ADAM19: variants seen among roughly 807,000 people sequenced by gnomAD.
ADAM19 encodes the protein disintegrin and metalloproteinase domain-containing protein 19.
ADAM19 carries 65 observed loss-of-function variants against 114.7 expected under a neutral mutation model. The observed-to-expected ratio is 0.57, with a 90% CI of 0.46 to 0.70. The LOEUF (loss-of-function observed/expected upper bound fraction) is 0.70, where lower values mean the gene tolerates loss of function less well. ADAM19 is among the 30% of genes least tolerant of loss of function. The probability of loss-of-function intolerance (pLI) is 0.00; values close to 1 mark genes in which losing one functional copy is unlikely to be tolerated. For synonymous variants in ADAM19, 466 were observed against 460.5 expected (o/e 1.01, Z -0.15); for missense variants, 1,063 against 1,204.7 (o/e 0.88, Z 1.74).
chr5:157,492,550 T>G (rs1755211975), intron 16 of ADAM19, among the ~76,000 whole-genome samples: 1 of 152,240 alleles, frequency 6.6e-6, no homozygotes, highest in Non-Finnish European at 1.5e-5. Context: ...TGTATCAATT[T>G]TAACATTATA....
intron 15 of ADAM19, among the ~76,000 whole-genome samples, chr5:157,494,462 G>A (rs752682408): frequency 5.3e-5 from 8 of 152,154 alleles, no homozygotes; most frequent in Non-Finnish European, 1.2e-4. Flanking sequence ...AAGGAAGCCC[G>A]ATCAGCTTTC....
intron 16 of ADAM19, 77 bp downstream of exon 16, chr5:157,492,896 C>A (rs1172344832): frequency 9.3e-6 from 14 of 1,508,442 alleles, no homozygotes; most frequent in Admixed American, 1.7e-5. Flanking sequence ...TGAGCCCAGG[C>A]ATCCTTCCCT....
At chr5:157,487,855 T>C (rs1219496829) in intron 21 of ADAM19, among the ~76,000 whole-genome samples, 1 of 152,184 alleles carries the variant, frequency 6.6e-6, no homozygotes, top group East Asian at 1.9e-4. Flanking sequence ...CAGGATAGAC[T>C]TCCTGGGAGA....
chr5:157,513,389 G>A, intron 8 of ADAM19, 45 bp downstream of exon 8: 1 of 1,586,622 alleles, frequency 6.3e-7, no homozygotes, highest in Non-Finnish European at 8.6e-7. Flanking sequence ...CCTTGGAAGT[G>A]CTGGCACCTG....
rs527549612 is a variant in ADAM19 at position 157,524,923 on chromosome 5, C to T, written c.408-4892G>A. 3.9e-5 allele frequency among the ~76,000 whole-genome samples: 6 copies of T among 152,326 alleles called. No individual in the cohort carries two copies. The South Asian group carries it at 1.0e-3, about 26-fold the overall frequency. On this transcript the variant is annotated intron_variant, in intron 5 of 22. Transcript: ENST00000257527. ...CAAGCAAAGCGCAAAGTGTTTTATT[C>T]GATAGCCATTCTACACATCTGTACT... is the stretch of plus-strand genomic sequence containing the variant.
At chr5:157,535,393 A>G (rs17054692) in intron 4 of ADAM19, among the ~76,000 whole-genome samples, 12,184 of 152,312 alleles carry the variant, frequency 0.08, 601 homozygotes, top group South Asian at 0.19. Context: ...AGTAGAGTGC[A>G]GTCTCCAACA....
rs149957129 is a variant in ADAM19, at chr5:157,502,078, T to TC, written c.1308+724dup. Among the ~76,000 whole-genome samples, 82 of 151,932 alleles carry TC rather than the reference T, an allele frequency of 5.4e-4. No homozygotes were observed. In the East Asian group the frequency reaches 0.015, roughly 27 times the overall value. Reference sequence around the variant, plus strand: ...AAGGCCATAAAATCAGATTTTTTTTTCCATTTATACAGAACCTCAGTCTCA... The same window carrying TC: ...AAGGCCATAAAATCAGATTTTTTTTTCCCATTTATACAGAACCTCAGTCTCA... On this transcript the variant is annotated intron_variant, in intron 12 of 22. Coordinates refer to ENST00000257527, the MANE Select transcript of ADAM19 (RefSeq NM_033274.5).
intron 15 of ADAM19, 25 bp downstream of exon 15, chr5:157,494,662 A>G (rs367949535): frequency 6.9e-6 from 11 of 1,601,840 alleles, no homozygotes; most frequent in Non-Finnish European, 9.4e-6. Context: ...TCCTCATTTC[A>G]TGAGGCCTGC....
chr5:157,498,568 T>G (rs1755439393), intron 13 of ADAM19, among the ~76,000 whole-genome samples: 1 of 152,162 alleles, frequency 6.6e-6, no homozygotes, highest in African/African-American at 2.4e-5. Flanking sequence ...AGGCCCACAG[T>G]TCCTGCCTAA....
chr5:157,573,921 C>A (rs950259673), intron 1 of ADAM19, among the ~76,000 whole-genome samples: 1 of 152,182 alleles, frequency 6.6e-6, no homozygotes, highest in Middle Eastern at 3.2e-3. Context: ...CCTGAATCAG[C>A]TTTACTCTCC....
At position 157,500,556 on chromosome 5, in the gene ADAM19, C is replaced by T. The variant is rs187555998; in HGVS notation, c.1309-894G>A. Among the ~76,000 whole-genome samples, 176 of 152,232 alleles carry T rather than the reference C, an allele frequency of 1.2e-3. 1 individual carries two copies. Among genetic ancestry groups the T allele is most frequent in the African/African-American group, 4.1e-3 (172 of 41,534 alleles). The stretch of plus-strand genomic sequence containing the variant: ...CCTGTCTTTCATGGGTGCCCTCCTG[C>T]CCCCAACCCTCCTAGGCTTTCTTAT... On this transcript the variant is annotated intron_variant, in intron 12 of 22. Transcript: ENST00000257527.
chr5:157,555,494 T>C (rs898684012), intron 3 of ADAM19, among the ~76,000 whole-genome samples: 1 of 152,204 alleles, frequency 6.6e-6, no homozygotes, highest in Non-Finnish European at 1.5e-5. Flanking sequence ...GTCATTTTCA[T>C]GCTTGAAGAA....
At position 157,535,324 on chromosome 5, in the gene ADAM19, C is replaced by T. The variant is rs545950981; in HGVS notation, c.330+2589G>A. ...TAGATGCAGGCTGTCGCCTAAAGGCCTGACTGATGAGTCTTGATAAGGTTC... is the reference window on the plus strand; with the variant it reads ...TAGATGCAGGCTGTCGCCTAAAGGCTTGACTGATGAGTCTTGATAAGGTTC... On this transcript the variant is annotated intron_variant, in intron 4 of 22. Transcript: ENST00000257527. Among the ~76,000 whole-genome samples, 25 of 152,370 alleles carry T rather than the reference C, an allele frequency of 1.6e-4. 1 individual carries two copies. The highest frequency in any genetic ancestry group is 3.1e-4 in the Non-Finnish European group (21 of 68,038).
At position 157,499,676 on chromosome 5, in the gene ADAM19, GGGGT is replaced by G. The variant is rs1755491440; in HGVS notation, c.1309-18_1309-15del. ...GTTGTTACATTCCTGGGGAGGCAGT[GGGGT>G]GGGTGTGAGTGGGGGAGGGCCTTCA... On this transcript the variant is annotated splice_polypyrimidine_tract_variant and intron_variant, in intron 12 of 22. Coordinates refer to ENST00000257527, the MANE Select transcript of ADAM19 (RefSeq NM_033274.5). 6.3e-7 allele frequency: 1 copy of G among 1,589,994 alleles called. No individual in the cohort carries two copies. Among genetic ancestry groups the G allele is most frequent in the Non-Finnish European group, 8.6e-7 (1 of 1,165,538 alleles).
At chr5:157,508,140 T>A (rs1484479421) in intron 9 of ADAM19, among the ~76,000 whole-genome samples, 2 of 152,266 alleles carry the variant, frequency 1.3e-5, no homozygotes, top group Non-Finnish European at 2.9e-5. Context: ...AGTTATTTTC[T>A]ACATGTTCCA....
At chr5:157,494,947 A>G (rs11466782) in intron 14 of ADAM19, 152 bp from the exon 15 acceptor site, 67,866 of 583,272 alleles carry the variant, frequency 0.12, 4,657 homozygotes, top group Admixed American at 0.2. Context: ...CTCCATCCCC[A>G]TATTCTCAAC....
chr5:157,535,795 C>A (rs1027885712), intron 4 of ADAM19, among the ~76,000 whole-genome samples: 2 of 152,242 alleles, frequency 1.3e-5, no homozygotes, highest in Non-Finnish European at 1.5e-5. Flanking sequence ...TAGCAGGAAG[C>A]GTGAGCTCAT....
intron 10 of ADAM19, 21 bp from the exon 11 acceptor site, chr5:157,505,829 A>C (rs1394419083): frequency 6.2e-7 from 1 of 1,609,912 alleles, no homozygotes; most frequent in Admixed American, 1.7e-5. Context: ...GACAGAGTTG[A>C]GGTCAAGGTC....
Position 157,477,886 on chromosome 5 carries a change from G to A in ADAM19, c.*3063C>T, listed in dbSNP as rs1051571731. On this transcript the variant is annotated 3_prime_UTR_variant, in exon 23 of 23. Coordinates refer to ENST00000257527, the MANE Select transcript of ADAM19 (RefSeq NM_033274.5). ...AACACTCCAACCAGAAAATCAGCAAGTCTCAGACCTTAAGATCTGCAAGTG... is the reference window on the plus strand; with the variant it reads ...AACACTCCAACCAGAAAATCAGCAAATCTCAGACCTTAAGATCTGCAAGTG... The A allele has an allele frequency of 2.0e-5, 8 of 403,176 alleles. No individual in the cohort carries two copies. Among genetic ancestry groups the A allele is most frequent in the African/African-American group, 4.2e-5 (2 of 47,942 alleles). 25.0% of individuals were successfully genotyped at this position (403,176 alleles called of 1,614,324 possible).
Sources: allele counts gnomAD v4.1 joint callset (sites outside exome capture counted in the v4.1 genomes callset), GRCh38; gene constraint gnomAD v4.1.1; transcripts MANE v1.5; gene names NCBI Gene and HGNC (gene_info 2026-07-23, HGNC 2026-07-21).